Variants in MYSM1 observed in about 807,000 individuals in gnomAD.
The protein encoded by MYSM1 is Myb like, SWIRM and MPN domains 1, also known as deubiquitinase MYSM1.
MYSM1 carries 51 observed loss-of-function variants against 116.0 expected under a neutral mutation model. The observed-to-expected ratio is 0.44, with a 90% CI of 0.35 to 0.56. The LOEUF is 0.56. Among genes scored for constraint, MYSM1 ranks in the 20% least tolerant of loss-of-function variants. The pLI, the probability that MYSM1 is intolerant of heterozygous loss-of-function variation, is 0.00. For synonymous variants in MYSM1, 313 were observed against 315.2 expected (o/e 0.99, Z 0.07); for missense variants, 900 against 974.9 (o/e 0.92, Z 1.02).
chr1:58,679,561 T>C (rs886349761), intron 8 of MYSM1, among the ~76,000 whole-genome samples: 4 of 152,126 alleles, frequency 2.6e-5, no homozygotes, highest in Non-Finnish European at 4.4e-5. Flanking sequence ...TGGGCTCAAG[T>C]GATTCTCCTG....
chr1:58,682,726 C>T (rs1157404264), intron 7 of MYSM1, among the ~76,000 whole-genome samples, 181 bp from the exon 8 acceptor site: 2 of 146,566 alleles, frequency 1.4e-5, no homozygotes, highest in East Asian at 4.0e-4. Context: ...GACGGAGTCT[C>T]GCTCTGTCAC....
chr1:58,661,635 C>A, intron 17 of MYSM1, 124 bp from the exon 18 acceptor site: 2 of 570,710 alleles, frequency 3.5e-6, no homozygotes, highest in South Asian at 2.5e-5. Flanking sequence ...AGCTGAACAG[C>A]ACTTTAAACA....
chr1:58,698,420 A>ATTGTATAAT (rs1331587284), intron 1 of MYSM1, among the ~76,000 whole-genome samples: 2 of 151,572 alleles, frequency 1.3e-5, no homozygotes, highest in East Asian at 3.9e-4. Context: ...TATTAATGAT[A>ATTGTATAAT]CTCCTTGGGG....
chr1:58,688,264 TTAA>T (rs1644857050), intron 6 of MYSM1, among the ~76,000 whole-genome samples: 2 of 151,932 alleles, frequency 1.3e-5, no homozygotes, highest in East Asian at 1.9e-4. Context: ...TGTAGAAATG[TTAA>T]TGATACTTCA....
Position 58,690,235 on chromosome 1 carries a change from G to A in MYSM1, c.311C>T (p.Ala104Val), listed in dbSNP as rs1250981630. ...AAATATAAGTACATACATGATTTTT[G>A]CTGTTTTCTGCAGACTGCATCACAT... The part of the protein sequence containing the change: ...KKYMKSLQKT[A>V]KIMVHSPTKP... Residue 104 changes from alanine (A) to valine (V), a missense_variant, in exon 5 of 20, where the codon GCA (alanine) becomes GTA (valine). Around this residue, in one of 3 missense-constraint regions of MYSM1, gnomAD observed 622 missense variants for 623.7 expected, o/e 1.00. Transcript: ENST00000472487. 2 of 1,565,194 alleles carry A rather than the reference G, an allele frequency of 1.3e-6. No individual in the cohort carries two copies.
At chr1:58,682,695 T>G in intron 7 of MYSM1, 150 bp from the exon 8 acceptor site, 4 of 414,404 alleles carry the variant, frequency 9.7e-6, no homozygotes, top group East Asian at 5.9e-5. Flanking sequence ...CTTTTTTTTC[T>G]TTTCTTTTTT....
At chr1:58,699,902 G>C in intron 1 of MYSM1, 83 bp downstream of exon 1, 1 of 1,594,874 alleles carries the variant, frequency 6.3e-7, no homozygotes, top group East Asian at 2.3e-5. Flanking sequence ...CTTTTCCCTT[G>C]CCGGACCTGC....
intron 10 of MYSM1, among the ~76,000 whole-genome samples, chr1:58,674,699 G>C (rs1322637998): frequency 6.6e-6 from 1 of 152,074 alleles, no homozygotes; most frequent in Non-Finnish European, 1.5e-5. Flanking sequence ...GCCAAGGCGG[G>C]CGGATCATGA....
Position 58,676,973 on chromosome 1 carries a change from C to G in MYSM1, c.1343G>C (p.Arg448Pro). ...KNCGDVNCIG[R>P]IHTYLELIGA... The stretch of plus-strand genomic sequence containing the variant: ...TATCAATTCGAGGTATGTATGAATC[C>G]GTCCAATACAATTAACATCTCCACA... The change falls in exon 9 of 20, where the codon CGG (arginine) becomes CCG (proline). Residue 448 changes from arginine to proline, a missense_variant. Physicochemically the swap from Arg to Pro is moderately radical, Grantham distance 103. Coordinates refer to ENST00000472487, the MANE Select transcript of MYSM1 (RefSeq NM_001085487.3). 6.2e-7 allele frequency: 1 copy of G among 1,611,788 alleles called. No individual in the cohort carries two copies. The highest frequency in any genetic ancestry group is 8.5e-7 in the Non-Finnish European group (1 of 1,178,970).
At chr1:58,684,266 A>T (rs1644792124) in intron 7 of MYSM1, among the ~76,000 whole-genome samples, 1 of 152,160 alleles carries the variant, frequency 6.6e-6, no homozygotes, top group Admixed American at 6.5e-5. Context: ...TTCAAAGAGG[A>T]TATATTAAAA....
rs868321075 is a variant in MYSM1 at position 58,698,104 on chromosome 1, T to A, written c.68+1881A>T. On this transcript the variant is annotated intron_variant, in intron 1 of 19. Coordinates refer to ENST00000472487, the MANE Select transcript of MYSM1 (RefSeq NM_001085487.3). ...TCAGACTATATATATATATATATATTTTTTTTTTTTTTTTGAGACAGAGTC... is the reference window on the plus strand; with the variant it reads ...TCAGACTATATATATATATATATATATTTTTTTTTTTTTTGAGACAGAGTC... 1.3e-3 allele frequency among the ~76,000 whole-genome samples: 15 copies of A among 11,316 alleles called. 1 individual carries two copies. Among genetic ancestry groups the A allele is most frequent in the African/African-American group, 3.2e-3 (11 of 3,416 alleles). The allele number at this position is 11,316 out of a possible 152,430, so 7.4% of individuals were successfully genotyped here. A position where few individuals can be genotyped will look rare whatever the true frequency, so the allele number is the denominator to read the frequency against.
intron 5 of MYSM1, among the ~76,000 whole-genome samples, chr1:58,689,975 C>A (rs1462359996): frequency 2.0e-5 from 3 of 152,064 alleles, no homozygotes; most frequent in Non-Finnish European, 4.4e-5. Context: ...TCCCCATAAA[C>A]CCCTGGACAA....
In MYSM1 at chr1:58,662,598, C is replaced by T. The variant is rs115518539; in HGVS notation, c.2165-1087G>A. Among the ~76,000 whole-genome samples, 1,382 of 151,552 alleles carry T rather than the reference C, an allele frequency of 9.1e-3. 18 individuals are homozygous for T. Among genetic ancestry groups the T allele is most frequent in the African/African-American group, 0.032 (1,303 of 41,320 alleles). ...TGCTTTTAACTTATACATAATACTG[C>T]CTCAACTGGGTTTCTACCATGGTAA... is the stretch of plus-strand genomic sequence containing the variant. On this transcript the variant is annotated intron_variant, in intron 17 of 19. Transcript: ENST00000472487.
chr1:58,691,419 A>G (rs1275683073), intron 3 of MYSM1, among the ~76,000 whole-genome samples: 1 of 152,256 alleles, frequency 6.6e-6, no homozygotes, highest in Non-Finnish European at 1.5e-5. Flanking sequence ...CTGAGAACAA[A>G]GATACTCTCA....
At chr1:58,686,966 A>T (rs1191791891) in intron 6 of MYSM1, among the ~76,000 whole-genome samples, 5 of 40,908 alleles carry the variant, frequency 1.2e-4, no homozygotes, top group Non-Finnish European at 1.6e-4. Flanking sequence ...CTTGTTTCTT[A>T]AAAAAAAAAA....
intron 19 of MYSM1, 80 bp from the exon 20 acceptor site, chr1:58,660,235 C>G: frequency 3.7e-6 from 3 of 816,304 alleles, no homozygotes; most frequent in Non-Finnish European, 5.3e-6. Context: ...TCGTCCCTTT[C>G]CAGACCTCAC....
chr1:58,700,039 T>C lies in MYSM1; in HGVS notation c.14A>G (p.Glu5Gly), dbSNP rs914947271. 1.2e-6 allele frequency: 2 copies of C among 1,613,642 alleles called. No homozygotes were observed. The highest frequency in any genetic ancestry group is 1.7e-6 in the Non-Finnish European group (2 of 1,179,942). Residue 5 changes from glutamate to glycine, a missense_variant, in exon 1 of 20, where the codon GAG becomes GGG. Physicochemically the swap from Glu to Gly is moderately conservative, Grantham distance 98. Transcript: ENST00000472487. MAAE[E>G]ADVDIEGDVV... ...GTCCCCTTCGATATCCACATCCGCCTCTTCAGCCGCCATGATGGGACCTGA... is the reference window on the plus strand; with the variant it reads ...GTCCCCTTCGATATCCACATCCGCCCCTTCAGCCGCCATGATGGGACCTGA...
intron 17 of MYSM1, among the ~76,000 whole-genome samples, chr1:58,661,715 T>TTAA (rs756521880): frequency 2.6e-5 from 4 of 152,062 alleles, no homozygotes; most frequent in Non-Finnish European, 4.4e-5. Context: ...TGCCAAGCTA[T>TTAA]TAATAATAAT....
chr1:58,699,006 T>C (rs1645024835), intron 1 of MYSM1, among the ~76,000 whole-genome samples: 1 of 152,206 alleles, frequency 6.6e-6, no homozygotes, highest in South Asian at 2.1e-4. Context: ...GGTCTAAATA[T>C]TGGCAATTTC....
Sources: gnomAD v4.1 joint callset for allele counts (sites outside exome capture counted in the v4.1 genomes callset) on GRCh38, gnomAD v4.1.1 for gene constraint, gnomAD v4.1.1 regional missense constraint, MANE v1.5 for transcripts, NCBI Gene and HGNC (gene_info 2026-07-23, HGNC 2026-07-21) for gene names.